The following CDH11 variants were observed in gnomAD, a reference collection of about 807,000 sequenced individuals.
The protein encoded by CDH11 is cadherin 11.
Under a neutral mutation model 67.8 loss-of-function variants are expected in CDH11, and 11 were observed. The ratio of observed to expected loss-of-function variants is 0.16; its 90% CI spans 0.10 to 0.27. CDH11 has a LOEUF of 0.27. Among genes scored for constraint, CDH11 ranks in the 10% least tolerant of loss-of-function variants. The pLI, the probability that CDH11 is intolerant of heterozygous loss-of-function variation, is 1.00. For missense variants in CDH11, 847 were observed against 1,031.2 expected (o/e 0.82, Z 2.45); for synonymous variants, 419 against 400.0 (o/e 1.05, Z -0.57).
chr16:65,075,559 A>C (rs928900717), intron 1 of CDH11, among the ~76,000 whole-genome samples: 2 of 152,222 alleles, frequency 1.3e-5, no homozygotes, highest in African/African-American at 4.8e-5. Context: ...CTGTCTAAGC[A>C]GGATTTATGA....
intron 2 of CDH11, among the ~76,000 whole-genome samples, chr16:65,044,485 T>C (rs2073921343): frequency 6.6e-6 from 1 of 152,018 alleles, no homozygotes; most frequent in South Asian, 2.1e-4. Context: ...AGGGGGCTCA[T>C]GAAGATACAT....
intron 7 of CDH11, chr16:64,982,983 C>CTGT (rs2072393139): frequency 6.6e-6 from 1 of 152,204 alleles, no homozygotes; most frequent in Admixed American, 6.5e-5. Flanking sequence ...CACATCTGCT[C>CTGT]TGCTTCACAA....
intron 1 of CDH11, among the ~76,000 whole-genome samples, chr16:65,098,059 C>T (rs935309436): frequency 2.6e-5 from 4 of 152,226 alleles, no homozygotes; most frequent in African/African-American, 9.6e-5. Flanking sequence ...AGAAGACTCA[C>T]CTTGCTCAAC....
chr16:65,029,261 C>G (rs1267106493), intron 2 of CDH11, among the ~76,000 whole-genome samples: 2 of 152,018 alleles, frequency 1.3e-5, no homozygotes, highest in Non-Finnish European at 2.9e-5. Flanking sequence ...ATGGAGATGT[C>G]ACTTAGAGAA....
chr16:65,115,789 A>T (rs1487511102), intron 1 of CDH11, among the ~76,000 whole-genome samples: 1 of 151,486 alleles, frequency 6.6e-6, no homozygotes, highest in African/African-American at 2.4e-5. Context: ...AATCAAGATT[A>T]GTTGGCCAGG....
chr16:65,084,061 C>T (rs570189922), intron 1 of CDH11, among the ~76,000 whole-genome samples: 1 of 152,258 alleles, frequency 6.6e-6, no homozygotes, highest in South Asian at 2.1e-4. Context: ...ACACGACAGT[C>T]CCCCACAGTC....
intron 11 of CDH11, among the ~76,000 whole-genome samples, chr16:64,966,974 T>G (rs1236138339): frequency 2.0e-5 from 3 of 152,076 alleles, no homozygotes; most frequent in Non-Finnish European, 1.5e-5. Context: ...AAAGAAGAAC[T>G]GATTAATAAT....
chr16:65,046,202 T>C (rs1415855511), intron 2 of CDH11, among the ~76,000 whole-genome samples: 1 of 152,214 alleles, frequency 6.6e-6, no homozygotes, highest in Non-Finnish European at 1.5e-5. Flanking sequence ...TCTGACAAGC[T>C]GAACAGAAGA....
intron 2 of CDH11, among the ~76,000 whole-genome samples, chr16:65,020,834 A>G (rs916044411): frequency 2.0e-5 from 3 of 152,024 alleles, no homozygotes; most frequent in African/African-American, 7.3e-5. Context: ...AAAATTTTTC[A>G]TTTGTCAGTT....
chr16:64,971,601 A>G lies in CDH11; in HGVS notation c.1620T>C (p.Asn540=). The change falls in exon 11 of 13, where the codon AAT becomes AAC. Residue 540 remains asparagine, a synonymous_variant. Transcript: ENST00000268603. ...SLPPEIIHNP[N]FTVRDNRDNT... is the part of the protein sequence containing the mutation. ...AACCTCGGTTGTCTCTGACTGTGAA[A>G]TTTGGATTGTGAATGATTTCAGGGG... 6.2e-7 allele frequency: 1 copy of G among 1,612,134 alleles called. No individual in the cohort carries two copies. The highest frequency in any genetic ancestry group is 8.5e-7 in the Non-Finnish European group (1 of 1,179,026).
Position 64,998,799 on chromosome 16 carries a change from C to T in CDH11, c.286G>A (p.Gly96Arg). 6.2e-7 allele frequency: 1 copy of T among 1,614,100 alleles called. No homozygotes were observed. Residue 96 changes from glycine (G) to arginine (R), a missense_variant, in exon 4 of 13, where the codon GGA becomes AGA. By Grantham distance (125) the Gly-to-Arg change is moderately radical (BLOSUM62 -2). This residue lies in a region of CDH11 where 235 missense variants were observed against 352.5 expected (regional missense o/e 0.67). Coordinates refer to ENST00000268603, the MANE Select transcript of CDH11 (RefSeq NM_001797.4). ...GNIKYILSGE[G>R]AGTIFVIDDK... ...TCAATCACAAAAATGGTTCCAGCTC[C>T]TTCCCCTGAGAGAATGTATTTAATG... is the stretch of plus-strand genomic sequence containing the variant.
intron 2 of CDH11, among the ~76,000 whole-genome samples, chr16:65,009,111 C>T (rs2073123532): frequency 1.3e-5 from 2 of 152,066 alleles, no homozygotes; most frequent in African/African-American, 4.8e-5. Flanking sequence ...GTATTCCTAC[C>T]CTCTACAATT....
intron 11 of CDH11, among the ~76,000 whole-genome samples, chr16:64,961,674 C>G (rs1274100859): frequency 6.6e-6 from 1 of 152,032 alleles, no homozygotes. Context: ...ATCTCTAGGC[C>G]TTGCCTTTTC....
intron 8 of CDH11, among the ~76,000 whole-genome samples, chr16:64,975,788 C>A (rs979015970): frequency 5.3e-5 from 8 of 151,932 alleles, no homozygotes; most frequent in African/African-American, 1.7e-4. Context: ...TCAATCATAC[C>A]CCCAACCTCA....
intron 11 of CDH11, among the ~76,000 whole-genome samples, chr16:64,960,856 C>T (rs2071654695): frequency 6.6e-6 from 1 of 151,820 alleles, no homozygotes; most frequent in Non-Finnish European, 1.5e-5. Flanking sequence ...GAGGCATTGT[C>T]CAGTTTGTTT....
rs1464814492 is a variant in CDH11 at position 64,982,261 on chromosome 16, A to G, written c.1040T>C (p.Val347Ala). The G allele has an allele frequency of 2.5e-6, 4 of 1,613,272 alleles. No individual in the cohort carries two copies. The highest frequency in any genetic ancestry group is 2.7e-5 in the African/African-American group (2 of 74,898). ...GTCGATGTGCACGTTGGCTGCCTCT[A>G]CCTTCAAGCTATAGGCTCTTTTGGT... ...FETKRAYSLK[V>A]EAANVHIDPK... Residue 347 changes from valine to alanine, a missense_variant, in exon 8 of 13, where the codon GTA (valine) becomes GCA (alanine). Around this residue, in one of 2 missense-constraint regions of CDH11, gnomAD observed 612 missense variants for 678.7 expected, o/e 0.90. Coordinates refer to ENST00000268603, the MANE Select transcript of CDH11 (RefSeq NM_001797.4).
chr16:64,994,640 G>C (rs1462673340), intron 4 of CDH11, among the ~76,000 whole-genome samples: 2 of 152,134 alleles, frequency 1.3e-5, no homozygotes, highest in Non-Finnish European at 2.9e-5. Flanking sequence ...TTCTCCTTCA[G>C]AGCAGGAATA....
intron 1 of CDH11, among the ~76,000 whole-genome samples, chr16:65,114,462 A>C (rs1198661328): frequency 6.6e-6 from 1 of 151,924 alleles, no homozygotes; most frequent in Non-Finnish European, 1.5e-5. Flanking sequence ...AAGTGTCTTA[A>C]ATTCCCTCTG....
At chr16:64,992,547 A>T (rs190077339) in intron 5 of CDH11, among the ~76,000 whole-genome samples, 63 of 152,372 alleles carry the variant, frequency 4.1e-4, no homozygotes, top group African/African-American at 1.4e-3. Flanking sequence ...GCTCACTTAA[A>T]TCTTTAGGAG....
Sources: gnomAD v4.1 joint callset for allele counts (sites outside exome capture counted in the v4.1 genomes callset) on GRCh38, gnomAD v4.1.1 for gene constraint, gnomAD v4.1.1 regional missense constraint, MANE v1.5 for transcripts, NCBI Gene and HGNC (gene_info 2026-07-23, HGNC 2026-07-21) for gene names.